Variants in PARD3B observed in about 807,000 individuals in gnomAD.
The protein encoded by PARD3B is partitioning defective 3 homolog B.
In PARD3B, 103 loss-of-function variants were observed where a neutral mutation model predicts 130.2. That is an observed-to-expected ratio of 0.79 (90% CI 0.67 to 0.93). The LOEUF (loss-of-function observed/expected upper bound fraction) is 0.93, where lower values mean the gene tolerates loss of function less well. Ranked by LOEUF, PARD3B falls within the 40% of genes least tolerant of loss-of-function variation. The pLI is 0.00. For missense variants in PARD3B, 1,609 were observed against 1,499.2 expected, an observed-to-expected ratio of 1.07 and a Z score of -1.21; for synonymous variants, 583 against 553.2, an observed-to-expected ratio of 1.05 and a Z score of -0.76.
chr2:204,897,867 C>A (rs1314646916), intron 2 of PARD3B, among the ~76,000 whole-genome samples: 1 of 149,360 alleles, frequency 6.7e-6, no homozygotes, highest in Non-Finnish European at 1.5e-5. Context: ...TATTAATAAA[C>A]CTTTAAAGTA....
chr2:205,331,782 CAAAAAA>C (rs56654511), intron 18 of PARD3B, among the ~76,000 whole-genome samples: 860 of 48,426 alleles, frequency 0.018, 28 homozygotes, highest in African/African-American at 0.085. Context: ...GACTCCGTCT[CAAAAAA>C]AAAAAAAAAA....
intron 2 of PARD3B, among the ~76,000 whole-genome samples, chr2:204,949,442 C>G (rs1223727714): frequency 6.6e-6 from 1 of 151,988 alleles, no homozygotes; most frequent in Non-Finnish European, 1.5e-5. Flanking sequence ...CTCAGCCTCC[C>G]AAGTAGCTGG....
At chr2:204,915,343 C>A (rs1038094029) in intron 2 of PARD3B, among the ~76,000 whole-genome samples, 1 of 152,060 alleles carries the variant, frequency 6.6e-6, no homozygotes, top group Non-Finnish European at 1.5e-5. Context: ...CCTAGAGAAG[C>A]CTTCTCCCAA....
rs2037236947 is a variant in PARD3B at position 204,689,110 on chromosome 2, G to A, written c.222+2828G>A. Among the ~76,000 whole-genome samples, 1 of 152,190 alleles carries A rather than the reference G, an allele frequency of 6.6e-6. No homozygotes were observed. Among genetic ancestry groups the A allele is most frequent in the South Asian group, 2.1e-4 (1 of 4,836 alleles). On this transcript the variant is annotated intron_variant, in intron 2 of 22. Coordinates refer to ENST00000406610, the MANE Select transcript of PARD3B (RefSeq NM_001302769.2). The surrounding 1 kb of genome is among the most constrained non-coding windows in gnomAD (Gnocchi z 5.2). ...TACACTTCAGTAAAGGTAGAAACTA[G>A]AGGTTAAATGATATTGTACTTCAAA...
At position 204,689,102 on chromosome 2, in the gene PARD3B, A is replaced by G. The variant is rs1228248407; in HGVS notation, c.222+2820A>G. The stretch of plus-strand genomic sequence containing the variant: ...CCATCCCATACACTTCAGTAAAGGT[A>G]GAAACTAGAGGTTAAATGATATTGT... On this transcript the variant is annotated intron_variant, in intron 2 of 22. Transcript: ENST00000406610. The surrounding 1 kb of genome is among the most constrained non-coding windows in gnomAD (Gnocchi z 5.2). 6.6e-6 allele frequency among the ~76,000 whole-genome samples: 1 copy of G among 152,194 alleles called. No individual in the cohort carries two copies. Among genetic ancestry groups the G allele is most frequent in the African/African-American group, 2.4e-5 (1 of 41,452 alleles).
chr2:204,616,525 A>C (rs1471005791), intron 1 of PARD3B, among the ~76,000 whole-genome samples: 1 of 152,182 alleles, frequency 6.6e-6, no homozygotes, highest in Non-Finnish European at 1.5e-5. Flanking sequence ...GTGGGAACGC[A>C]AAATGAAACA....
intron 21 of PARD3B, among the ~76,000 whole-genome samples, chr2:205,546,867 G>A (rs949653431): frequency 6.6e-6 from 1 of 152,082 alleles, no homozygotes; most frequent in Non-Finnish European, 1.5e-5. Flanking sequence ...TAAAAATCAT[G>A]TTTTAAAATA....
chr2:205,119,872 A>C (rs1435701678), intron 7 of PARD3B, among the ~76,000 whole-genome samples: 2 of 152,174 alleles, frequency 1.3e-5, no homozygotes, highest in East Asian at 3.8e-4. Flanking sequence ...GTACCCAGGA[A>C]TTAGAGTGTA....
At chr2:205,355,609 G>T (rs2044163076) in intron 18 of PARD3B, among the ~76,000 whole-genome samples, 1 of 152,102 alleles carries the variant, frequency 6.6e-6, no homozygotes, top group Non-Finnish European at 1.5e-5. Context: ...GGTTGTGACT[G>T]AACAATCATG....
intron 20 of PARD3B, among the ~76,000 whole-genome samples, chr2:205,464,766 TC>T (rs1209345310): frequency 6.6e-6 from 1 of 152,162 alleles, no homozygotes; most frequent in Non-Finnish European, 1.5e-5. Flanking sequence ...GTTTAAAAGT[TC>T]CCTAGGAATG....
chr2:205,489,559 C>CATATATATACATATATAA (rs1297994614), intron 20 of PARD3B, among the ~76,000 whole-genome samples: 1 of 89,486 alleles, frequency 1.1e-5, no homozygotes, highest in African/African-American at 3.7e-5. Context: ...TATATATATA[C>CATATATATACATATATAA]ATATATATAC....
At chr2:205,104,637 G>A in intron 5 of PARD3B, 123 bp downstream of exon 5, 1 of 642,336 alleles carries the variant, frequency 1.6e-6, no homozygotes, top group South Asian at 2.1e-5. Context: ...AGTGCAACAT[G>A]TCCCAAGTCT....
intron 14 of PARD3B, among the ~76,000 whole-genome samples, chr2:205,190,856 G>A (rs994624828): frequency 2.0e-5 from 3 of 152,106 alleles, no homozygotes; most frequent in Non-Finnish European, 2.9e-5. Flanking sequence ...TCAGGGGAAA[G>A]CTCATGTTTG....
At chr2:204,754,706 C>T (rs1295142671) in intron 2 of PARD3B, among the ~76,000 whole-genome samples, 2 of 152,154 alleles carry the variant, frequency 1.3e-5, no homozygotes, top group Non-Finnish European at 2.9e-5. Context: ...AACAAGATGG[C>T]TGCTAAAGCA....
chr2:205,559,504 T>C (rs2106516215), intron 22 of PARD3B, among the ~76,000 whole-genome samples: 1 of 152,242 alleles, frequency 6.6e-6, no homozygotes, highest in Non-Finnish European at 1.5e-5. Context: ...CCAAAGCTTT[T>C]TTGACAGTTG....
chr2:204,649,806 A>C (rs1055545579), intron 1 of PARD3B, among the ~76,000 whole-genome samples: 1 of 152,190 alleles, frequency 6.6e-6, no homozygotes, highest in African/African-American at 2.4e-5. Context: ...CAAAACTATA[A>C]AAAGCTGGAA....
chr2:205,206,782 C>G (rs1019562572), intron 15 of PARD3B, among the ~76,000 whole-genome samples: 27 of 151,788 alleles, frequency 1.8e-4, no homozygotes, highest in Non-Finnish European at 3.5e-4. Context: ...ACTTTAACAC[C>G]CCACTGTCAA....
At chr2:205,204,368 G>A (rs1451088671) in intron 15 of PARD3B, among the ~76,000 whole-genome samples, 4 of 152,180 alleles carry the variant, frequency 2.6e-5, no homozygotes, top group Non-Finnish European at 4.4e-5. Flanking sequence ...CAGATGGATA[G>A]ATTGCAAAAA....
intron 14 of PARD3B, 106 bp from the exon 15 acceptor site, chr2:205,193,099 A>T: frequency 1.5e-6 from 1 of 688,172 alleles, no homozygotes; most frequent in South Asian, 2.0e-5. Context: ...TGTGGTTGGG[A>T]GCTGCGCAGA....
Sources: allele counts gnomAD v4.1 joint callset (sites outside exome capture counted in the v4.1 genomes callset), GRCh38; gene constraint gnomAD v4.1.1; non-coding constraint Gnocchi (gnomAD v3.1); transcripts MANE v1.5; gene names NCBI Gene and HGNC (gene_info 2026-07-23, HGNC 2026-07-21).